CACNA1A: variants seen among roughly 807,000 people sequenced by gnomAD.
CACNA1A encodes the protein calcium voltage-gated channel subunit alpha1 A, also known as voltage-dependent P/Q-type calcium channel subunit alpha-1A.
Under a neutral mutation model 262.4 loss-of-function variants are expected in CACNA1A, and 57 were observed. That is an observed-to-expected ratio of 0.22 (90% CI 0.18 to 0.27). The LOEUF (loss-of-function observed/expected upper bound fraction) is 0.27, where lower values mean the gene tolerates loss of function less well. Ranked by LOEUF, CACNA1A falls within the 10% of genes least tolerant of loss-of-function variation. CACNA1A has a pLI of 1.00. For synonymous variants in CACNA1A, 1,431 were observed against 1,419.3 expected (o/e 1.01, Z -0.18); for missense variants, 2,526 against 3,562.8 (o/e 0.71, Z 7.41).
At chr19:13,298,509 C>T (rs780065186) in intron 19 of CACNA1A, 35 bp downstream of exon 19, 2 of 1,499,292 alleles carry the variant, frequency 1.3e-6, no homozygotes, top group South Asian at 1.2e-5. Context: ...TTAATGTTAC[C>T]GTCATTCTGC....
At chr19:13,470,461 A>G (rs1431188530) in intron 1 of CACNA1A, among the ~76,000 whole-genome samples, 2 of 151,886 alleles carry the variant, frequency 1.3e-5, no homozygotes, top group Admixed American at 1.3e-4. Flanking sequence ...CTACTTCTCA[A>G]TCTTCCCTTT....
At chr19:13,222,557 A>G (rs1423704029) in intron 38 of CACNA1A, among the ~76,000 whole-genome samples, 2 of 150,852 alleles carry the variant, frequency 1.3e-5, no homozygotes, top group Non-Finnish European at 2.9e-5. Context: ...CACCACACCC[A>G]GCTAATTTTT....
chr19:13,395,279 A>G (rs2059790020), intron 3 of CACNA1A, among the ~76,000 whole-genome samples: 1 of 148,356 alleles, frequency 6.7e-6, no homozygotes, highest in Non-Finnish European at 1.5e-5. Context: ...ATCTCAAAAA[A>G]AAAAAAAAAA....
chr19:13,354,419 C>A (rs1423372770), intron 6 of CACNA1A, among the ~76,000 whole-genome samples: 2 of 152,196 alleles, frequency 1.3e-5, no homozygotes, highest in Admixed American at 1.3e-4. Flanking sequence ...AGACCCAGGG[C>A]AGGGCTAGCC....
chr19:13,292,051 G>A (rs2057551323), intron 19 of CACNA1A, among the ~76,000 whole-genome samples: 1 of 152,166 alleles, frequency 6.6e-6, no homozygotes, highest in Non-Finnish European at 1.5e-5. Context: ...CAAGCAGATA[G>A]GCCTGGGAGA....
chr19:13,221,218 T>TTTTCTTTTTTCTTTCTTTC (rs1555734399), intron 38 of CACNA1A, among the ~76,000 whole-genome samples: 1 of 25,672 alleles, frequency 3.9e-5, no homozygotes, highest in African/African-American at 2.0e-4. Flanking sequence ...TTGTTTTTTC[T>TTTTCTTTTTTCTTTCTTTC]TTTCTTTCTT....
intron 3 of CACNA1A, among the ~76,000 whole-genome samples, chr19:13,421,018 A>T (rs1368222468): frequency 6.6e-6 from 1 of 152,172 alleles, no homozygotes; most frequent in Non-Finnish European, 1.5e-5. Flanking sequence ...TCCATCAGTG[A>T]TATGTCAGTG....
At chr19:13,498,287 C>T (rs1450793875) in intron 1 of CACNA1A, among the ~76,000 whole-genome samples, 1 of 152,108 alleles carries the variant, frequency 6.6e-6, no homozygotes, top group Non-Finnish European at 1.5e-5. Flanking sequence ...AGGTAACATC[C>T]AGACTTCGCC....
chr19:13,317,938 G>A (rs1466697566), intron 10 of CACNA1A, among the ~76,000 whole-genome samples: 1 of 152,178 alleles, frequency 6.6e-6, no homozygotes, highest in Non-Finnish European at 1.5e-5. Flanking sequence ...ACAGACAGTG[G>A]ACGTAATAAG....
chr19:13,295,024 T>G (rs2057632574), intron 19 of CACNA1A, among the ~76,000 whole-genome samples: 2 of 152,188 alleles, frequency 1.3e-5, no homozygotes, highest in Non-Finnish European at 2.9e-5. Context: ...TGAAACACTC[T>G]ACTCCCTTCT....
chr19:13,273,558 C>T (rs538211032), intron 24 of CACNA1A: 35 of 152,138 alleles, frequency 2.3e-4, no homozygotes, highest in African/African-American at 8.0e-4. Context: ...TTGTCTTATT[C>T]GTCACAATCT....
intron 22 of CACNA1A, chr19:13,277,362 A>C (rs1600227475): frequency 8.8e-6 from 4 of 455,248 alleles, no homozygotes; most frequent in Non-Finnish European, 1.6e-5. Context: ...AAATCCTAAC[A>C]AAAAAATCAC....
chr19:13,359,526 G>T, intron 6 of CACNA1A, 80 bp downstream of exon 6: 1 of 1,138,926 alleles, frequency 8.8e-7, no homozygotes, highest in Non-Finnish European at 1.3e-6. Context: ...CTCCATTGCA[G>T]CCTTGGAGTC....
intron 6 of CACNA1A, among the ~76,000 whole-genome samples, chr19:13,354,869 CT>C (rs56350383): frequency 0.16 from 18,646 of 114,130 alleles, 1,206 homozygotes; most frequent in South Asian, 0.22. Flanking sequence ...TTTTCTTTTT[CT>C]TTTTTTTTTT....
At chr19:13,280,018 A>T (rs1005325436) in intron 22 of CACNA1A, among the ~76,000 whole-genome samples, 1 of 152,052 alleles carries the variant, frequency 6.6e-6, no homozygotes, top group Non-Finnish European at 1.5e-5. Flanking sequence ...CATGTTGGCC[A>T]GGCTGGTCTC....
chr19:13,231,881 G>C (rs1482253114), intron 34 of CACNA1A, 21 bp from the exon 35 acceptor site: 1 of 1,606,070 alleles, frequency 6.2e-7, no homozygotes, highest in African/African-American at 1.3e-5. Context: ...GGAGAAATCA[G>C]AGACTCGGAC....
chr19:13,214,581 G>A lies in CACNA1A; in HGVS notation c.5759C>T (p.Ala1920Val), dbSNP rs2054930928. ...CGCCATCATCTCCTTCCGCAGCTCA[G>A]CGTCCATCTGCTGTTTGTCGGCTCC... ...KGGADKQQMDAELRKEMMAIW... is the reference protein window; with the variant it reads ...KGGADKQQMDVELRKEMMAIW... Residue 1920 changes from alanine to valine, a missense_variant, in exon 39 of 47, where the codon GCT becomes GTT. Around this residue, in one of 17 missense-constraint regions of CACNA1A, gnomAD observed 112 missense variants for 197.2 expected, o/e 0.57. Coordinates refer to ENST00000360228, the MANE Select transcript of CACNA1A (RefSeq NM_001127222.2). The surrounding 1 kb of genome is among the most constrained non-coding windows in gnomAD (Gnocchi z 4.1). 6.2e-7 allele frequency: 1 copy of A among 1,613,880 alleles called. No homozygotes were observed. The highest frequency in any genetic ancestry group is 8.5e-7 in the Non-Finnish European group (1 of 1,179,846).
At chr19:13,437,705 A>AG (rs2060636318) in intron 3 of CACNA1A, among the ~76,000 whole-genome samples, 1 of 151,032 alleles carries the variant, frequency 6.6e-6, no homozygotes, top group Non-Finnish European at 1.5e-5. Context: ...AAAAAAAAAA[A>AG]AAAAAAAAAG....
At chr19:13,394,672 G>A (rs1011578547) in intron 3 of CACNA1A, among the ~76,000 whole-genome samples, 2 of 152,108 alleles carry the variant, frequency 1.3e-5, no homozygotes, top group Non-Finnish European at 1.5e-5. Flanking sequence ...TCACAGCATC[G>A]TCACTGTGGG....
Sources: gnomAD v4.1 joint callset for allele counts (sites outside exome capture counted in the v4.1 genomes callset) on GRCh38, gnomAD v4.1.1 for gene constraint, gnomAD v4.1.1 regional missense constraint, Gnocchi (gnomAD v3.1) non-coding constraint, MANE v1.5 for transcripts, NCBI Gene and HGNC (gene_info 2026-07-23, HGNC 2026-07-21) for gene names.